Variants in SLC46A3 observed in about 807,000 individuals in gnomAD.
The protein encoded by SLC46A3 is solute carrier family 46 member 3.
Under a neutral mutation model 38.5 loss-of-function variants are expected in SLC46A3, and 26 were observed. That is an observed-to-expected ratio of 0.68 (90% confidence interval 0.49 to 0.94). SLC46A3 has a LOEUF of 0.94. Ranked by LOEUF, SLC46A3 falls within the 40% of genes least tolerant of loss-of-function variation. The pLI is 0.00. For missense variants in SLC46A3, 510 were observed against 544.3 expected, an observed-to-expected ratio of 0.94 and a Z score of 0.63; for synonymous variants, 185 against 192.5, an observed-to-expected ratio of 0.96 and a Z score of 0.32.
chr13:28,703,825 T>C lies in SLC46A3; in HGVS notation c.1301+118A>G, dbSNP rs1226654561. ...GCGAGCACTTCATGTCTAAAAGTTC[T>C]TGAGAAAAGCACGTTCTGAGGCAAA... is the stretch of plus-strand genomic sequence containing the variant. On this transcript the variant is annotated intron_variant, in intron 5 of 5. Coordinates refer to ENST00000266943, the MANE Select transcript of SLC46A3 (RefSeq NM_181785.4). 7.1e-6 allele frequency: 6 copies of C among 849,686 alleles called. No homozygotes were observed. In the Admixed American group the frequency reaches 1.5e-4, roughly 21 times the overall value. 52.6% of individuals were successfully genotyped at this position (849,686 alleles called of 1,614,324 possible). A position where few individuals can be genotyped will look rare whatever the true frequency, so the allele number is the denominator to read the frequency against.
intron 2 of SLC46A3, 72 bp downstream of exon 2, chr13:28,717,738 C>T (rs1465499062): frequency 1.1e-5 from 16 of 1,446,250 alleles, no homozygotes; most frequent in South Asian, 1.0e-4. Context: ...GATGAGTTCA[C>T]GGTCCTCTTT....
intron 2 of SLC46A3, among the ~76,000 whole-genome samples, chr13:28,714,994 T>A (rs187785041): frequency 1.3e-3 from 195 of 152,360 alleles, no homozygotes; most frequent in African/African-American, 4.5e-3. Context: ...ATTTGTATAC[T>A]GGGAAATGCT....
At chr13:28,714,157 A>C (rs1771163) in intron 2 of SLC46A3, among the ~76,000 whole-genome samples, 1 of 143,026 alleles carries the variant, frequency 7.0e-6, no homozygotes, top group African/African-American at 2.6e-5. Flanking sequence ...AAAAAAAAAA[A>C]AACCTTTATT....
In SLC46A3 at chr13:28,701,329, CAAG is replaced by C. The variant is rs1885011302; in HGVS notation, c.*165_*167del. 7.0e-7 allele frequency: 1 copy of C among 1,429,100 alleles called. No homozygotes were observed. Among genetic ancestry groups the C allele is most frequent in the Non-Finnish European group, 9.1e-7 (1 of 1,093,448 alleles). 88.5% of individuals were successfully genotyped at this position (1,429,100 alleles called of 1,614,324 possible). ...AAAGTGCTCAAAGTGCGTGGTACCA[CAAG>C]AAGCTAAAGCCAGGAGCTGTCTCTC... is the stretch of plus-strand genomic sequence containing the variant. On this transcript the variant is annotated 3_prime_UTR_variant, in exon 6 of 6. Transcript: ENST00000266943.
intron 4 of SLC46A3, among the ~76,000 whole-genome samples, chr13:28,709,722 C>G (rs1041941128): frequency 2.0e-5 from 3 of 152,172 alleles, no homozygotes; most frequent in African/African-American, 7.2e-5. Context: ...CTTGCTGGCC[C>G]GAGTTCCTGC....
chr13:28,717,533 A>G (rs1390941937), intron 2 of SLC46A3, among the ~76,000 whole-genome samples: 1 of 127,384 alleles, frequency 7.9e-6, no homozygotes, highest in Non-Finnish European at 1.7e-5. Flanking sequence ...GGAGACAGCC[A>G]CAGAAGAGAT....
At chr13:28,717,097 C>T (rs1460167991) in intron 2 of SLC46A3, among the ~76,000 whole-genome samples, 1 of 152,120 alleles carries the variant, frequency 6.6e-6, no homozygotes, top group Non-Finnish European at 1.5e-5. Context: ...GAAGTGCCTG[C>T]CTCCTGTTTT....
At chr13:28,705,529 C>T (rs1032459349) in intron 4 of SLC46A3, among the ~76,000 whole-genome samples, 1 of 152,156 alleles carries the variant, frequency 6.6e-6, no homozygotes, top group Non-Finnish European at 1.5e-5. Context: ...TGCAAAATAT[C>T]GTGTGCTCAC....
Position 28,701,247 on chromosome 13 carries a change from A to T in SLC46A3, c.*250T>A. The T allele has an allele frequency of 7.2e-7, 1 of 1,393,886 alleles. No individual in the cohort carries two copies. The highest frequency in any genetic ancestry group is 9.3e-7 in the Non-Finnish European group (1 of 1,077,300). The allele number at this position is 1,393,886 out of a possible 1,614,324, so 86.3% of individuals were successfully genotyped here. ...TTAATGTTTCTCTTCTAAGTCTAAA[A>T]GTGAGGCGTATTTGAAATTTGTTCT... On this transcript the variant is annotated 3_prime_UTR_variant, in exon 6 of 6. Coordinates refer to ENST00000266943, the MANE Select transcript of SLC46A3 (RefSeq NM_181785.4).
At chr13:28,717,653 G>A (rs1235091740) in intron 2 of SLC46A3, among the ~76,000 whole-genome samples, 157 bp downstream of exon 2, 1 of 152,024 alleles carries the variant, frequency 6.6e-6, no homozygotes, top group Non-Finnish European at 1.5e-5. Context: ...AACTTCAAAT[G>A]AGGTGAGTTC....
chr13:28,706,679 T>C (rs1268353067), intron 4 of SLC46A3, among the ~76,000 whole-genome samples: 1 of 152,196 alleles, frequency 6.6e-6, no homozygotes, highest in East Asian at 1.9e-4. Context: ...CCCAAAGTGC[T>C]GGGATTACAG....
At position 28,713,555 on chromosome 13, in the gene SLC46A3, A is replaced by G; in HGVS notation, c.190-5T>C. ...TGACACTTTTTTCTGAACTTCCTGC[A>G]AAGAAATATAAAGAAGACAATGTGT... On this transcript the variant is annotated splice_polypyrimidine_tract_variant and splice_region_variant and intron_variant, in intron 2 of 5. Coordinates refer to ENST00000266943, the MANE Select transcript of SLC46A3 (RefSeq NM_181785.4). 6.3e-7 allele frequency: 1 copy of G among 1,595,752 alleles called. No individual in the cohort carries two copies. The highest frequency in any genetic ancestry group is 8.6e-7 in the Non-Finnish European group (1 of 1,169,386).
At chr13:28,711,822 T>C (rs1885353425) in intron 3 of SLC46A3, among the ~76,000 whole-genome samples, 1 of 152,224 alleles carries the variant, frequency 6.6e-6, no homozygotes. Flanking sequence ...AAACTGGCTA[T>C]TATTGAATAG....
Position 28,703,937 on chromosome 13 carries a change from A to C in SLC46A3, c.1301+6T>G. The C allele has an allele frequency of 6.2e-7, 1 of 1,609,962 alleles. No homozygotes were observed. Among genetic ancestry groups the C allele is most frequent in the Non-Finnish European group, 8.5e-7 (1 of 1,177,950 alleles). On this transcript the variant is annotated splice_donor_region_variant and intron_variant, in intron 5 of 5. Transcript: ENST00000266943. ...TCTGATAAAATGATTAAAAATAATGACATACCATAGACTGATGGCTGGAAG... is the reference window on the plus strand; with the variant it reads ...TCTGATAAAATGATTAAAAATAATGCCATACCATAGACTGATGGCTGGAAG...
At chr13:28,717,313 GCTCACAAT>G (rs1342565654) in intron 2 of SLC46A3, among the ~76,000 whole-genome samples, 1 of 151,956 alleles carries the variant, frequency 6.6e-6, no homozygotes, top group Non-Finnish European at 1.5e-5. Flanking sequence ...ACAGACACTG[GCTCACAAT>G]CTTCAGTGAT....
rs1239474844 is a variant in SLC46A3 at position 28,717,938 on chromosome 13, C to T, written c.61G>A (p.Gly21Ser). 3 of 1,613,876 alleles carry T rather than the reference C, an allele frequency of 1.9e-6. No homozygotes were observed. The highest frequency in any genetic ancestry group is 2.2e-5 in the East Asian group (1 of 44,868). The change falls in exon 2 of 6, where the codon GGT (glycine) becomes AGT (serine). Residue 21 changes from glycine (G) to serine (S), a missense_variant. Gly to Ser is a moderately conservative substitution (Grantham distance 56). Coordinates refer to ENST00000266943, the MANE Select transcript of SLC46A3 (RefSeq NM_181785.4). ...FLSAFAMTLT[G>S]PLTTQYVYRR... The stretch of plus-strand genomic sequence containing the variant: ...TAAACATATTGCGTTGTCAGTGGAC[C>T]GGTCAAAGTCATAGCAAATGCACTA...
intron 2 of SLC46A3, 138 bp from the exon 3 acceptor site, chr13:28,713,688 T>C (rs1885440546): frequency 2.8e-6 from 2 of 721,296 alleles, no homozygotes; most frequent in Non-Finnish European, 4.5e-6. Context: ...GCGGGACTAA[T>C]AGAGCTTACA....
chr13:28,701,555 T>C lies in SLC46A3; in HGVS notation c.1328A>G (p.Glu443Gly). ...LCVVKCTSWN[E>G]GSYELLIQEE... is the part of the protein sequence containing the mutation. ...TTGTATAAGAAGTTCATAGCTTCCC[T>C]CATTCCAGCTGGTACACTTGACAAC... is the stretch of plus-strand genomic sequence containing the variant. Residue 443 changes from glutamate (E) to glycine (G), a missense_variant, in exon 6 of 6, where the codon GAG (glutamate) becomes GGG (glycine). Glu to Gly is a moderately conservative substitution (Grantham distance 98). Transcript: ENST00000266943. The C allele has an allele frequency of 6.2e-7, 1 of 1,613,518 alleles. No individual in the cohort carries two copies. Among genetic ancestry groups the C allele is most frequent in the Non-Finnish European group, 8.5e-7 (1 of 1,179,572 alleles).
chr13:28,713,403 C>T lies in SLC46A3; in HGVS notation c.337G>A (p.Ala113Thr). The T allele has an allele frequency of 6.2e-7, 1 of 1,614,070 alleles. No homozygotes were observed. Residue 113 changes from alanine (A) to threonine (T), a missense_variant, in exon 3 of 6, where the codon GCA becomes ACA. Transcript: ENST00000266943. The part of the protein sequence containing the change: ...PMILSSVGAL[A>T]TSVWLCLLCY... ...AGCAAACAGAGCCAAACGCTGGTTG[C>T]AAGAGCACCAACGGAAGACAAAATC...
Sources: allele counts gnomAD v4.1 joint callset (sites outside exome capture counted in the v4.1 genomes callset), GRCh38; gene constraint gnomAD v4.1.1; transcripts MANE v1.5; gene names NCBI Gene and HGNC (gene_info 2026-07-23, HGNC 2026-07-21).